The following FMNL2 variants were observed in gnomAD, a reference collection of about 807,000 sequenced individuals.
FMNL2 encodes the protein formin-like protein 2.
FMNL2 carries 51 observed loss-of-function variants against 130.2 expected under a neutral mutation model. The observed-to-expected ratio is 0.39, with a 90% CI of 0.31 to 0.49. FMNL2 has a LOEUF of 0.49. Ranked by LOEUF, FMNL2 falls within the 20% of genes least tolerant of loss-of-function variation. FMNL2 has a pLI of 0.85. For synonymous variants in FMNL2, 465 were observed against 467.1 expected, an observed-to-expected ratio of 1.00 and a Z score of 0.06; for missense variants, 977 against 1,316.2, an observed-to-expected ratio of 0.74 and a Z score of 3.99.
chr2:152,504,205 A>G (rs973877446), intron 1 of FMNL2, among the ~76,000 whole-genome samples: 3 of 152,134 alleles, frequency 2.0e-5, no homozygotes, highest in African/African-American at 7.2e-5. Flanking sequence ...ATAACAAAAA[A>G]GAACAATCAG....
chr2:152,549,598 A>G (rs1299746859), intron 4 of FMNL2, among the ~76,000 whole-genome samples: 1 of 152,180 alleles, frequency 6.6e-6, no homozygotes, highest in Non-Finnish European at 1.5e-5. Context: ...ATACATCTCA[A>G]AACCTCAGGA....
intron 2 of FMNL2, among the ~76,000 whole-genome samples, chr2:152,528,836 G>A (rs140030943): frequency 2.2e-3 from 338 of 152,220 alleles, no homozygotes; most frequent in Admixed American, 3.7e-3. Flanking sequence ...CACAATCAGG[G>A]ACCCAGGTGA....
intron 1 of FMNL2, among the ~76,000 whole-genome samples, chr2:152,340,153 T>C (rs1681717014): frequency 6.6e-6 from 1 of 152,102 alleles, no homozygotes. Flanking sequence ...ACCATTGCAT[T>C]CCAGCCTGGG....
chr2:152,491,919 C>T (rs147311548), intron 1 of FMNL2, among the ~76,000 whole-genome samples: 178 of 152,196 alleles, frequency 1.2e-3, no homozygotes, highest in Middle Eastern at 3.4e-3. Flanking sequence ...CTACTGCACT[C>T]CAGCCTGGGC....
chr2:152,607,009 T>TTTTG (rs1580081685), intron 9 of FMNL2, among the ~76,000 whole-genome samples: 2 of 129,270 alleles, frequency 1.5e-5, no homozygotes, highest in South Asian at 2.6e-4. Flanking sequence ...TTTTTTTGTT[T>TTTTG]TTTTTTTTTT....
intron 18 of FMNL2, 133 bp from the exon 19 acceptor site, chr2:152,629,523 T>C: frequency 1.3e-6 from 1 of 743,860 alleles, no homozygotes; most frequent in South Asian, 1.9e-5. Context: ...TTAGAAAAAG[T>C]AGACTCTCAC....
rs565174754 is a variant in FMNL2, at chr2:152,649,304, G to A, written c.*1399G>A. ...CTCTTTAATTCCCACCTAAGCCTCT[G>A]GGTAATATTGTAAATATTGTTTTAA... On this transcript the variant is annotated 3_prime_UTR_variant, in exon 26 of 26. Transcript: ENST00000288670. The A allele has an allele frequency of 3.9e-5, 6 of 152,490 alleles. No homozygotes were observed. The highest frequency in any genetic ancestry group is 3.4e-3 in the Middle Eastern group (1 of 292). 9.4% of individuals were successfully genotyped at this position (152,490 alleles called of 1,614,324 possible).
intron 1 of FMNL2, among the ~76,000 whole-genome samples, chr2:152,424,452 A>G (rs1043637594): frequency 4.0e-5 from 6 of 148,656 alleles, no homozygotes; most frequent in African/African-American, 1.0e-4. Context: ...GTGCAGTGGC[A>G]TGATCTTGGC....
intron 1 of FMNL2, among the ~76,000 whole-genome samples, chr2:152,461,340 A>G (rs1433280392): frequency 2.1e-5 from 3 of 143,842 alleles, no homozygotes; most frequent in Admixed American, 7.1e-5. Context: ...TATAAAGATT[A>G]CTAGTGAGAT....
chr2:152,518,320 G>A (rs1452621922), intron 1 of FMNL2, among the ~76,000 whole-genome samples: 2 of 152,164 alleles, frequency 1.3e-5, no homozygotes, highest in Non-Finnish European at 1.5e-5. Flanking sequence ...CTCATGGAAG[G>A]GGTTATTTTA....
chr2:152,648,157 C>A lies in FMNL2; in HGVS notation c.*252C>A, dbSNP rs1376560263. 1.4e-5 allele frequency: 6 copies of A among 417,640 alleles called. No homozygotes were observed. Among genetic ancestry groups the A allele is most frequent in the Non-Finnish European group, 2.5e-5 (6 of 236,000 alleles). 25.9% of individuals were successfully genotyped at this position (417,640 alleles called of 1,614,324 possible). A position where few individuals can be genotyped will look rare whatever the true frequency, so the allele number is the denominator to read the frequency against. ...GATTTGATTAGGTATCTTTTTACAC[C>A]AGTATGTTATTTTTAACCAAAATGT... On this transcript the variant is annotated 3_prime_UTR_variant, in exon 26 of 26. Transcript: ENST00000288670.
intron 23 of FMNL2, 109 bp downstream of exon 23, chr2:152,637,783 A>T: frequency 1.1e-6 from 1 of 935,094 alleles, no homozygotes; most frequent in South Asian, 1.5e-5. Context: ...TGGACAGCAG[A>T]TCTGGGTGGC....
chr2:152,506,324 C>T (rs1692167896), intron 1 of FMNL2, among the ~76,000 whole-genome samples: 1 of 152,128 alleles, frequency 6.6e-6, no homozygotes, highest in Non-Finnish European at 1.5e-5. Flanking sequence ...ACCCCCTCCC[C>T]ATGGATACCA....
intron 9 of FMNL2, among the ~76,000 whole-genome samples, chr2:152,603,742 T>C (rs868296004): frequency 7.3e-5 from 11 of 151,134 alleles, no homozygotes; most frequent in African/African-American, 1.9e-4. Flanking sequence ...TGGGTTACCT[T>C]ATTATTCATT....
intron 2 of FMNL2, among the ~76,000 whole-genome samples, chr2:152,533,826 A>G (rs568565237): frequency 6.6e-6 from 1 of 152,250 alleles, no homozygotes; most frequent in Admixed American, 6.5e-5. Context: ...TCTTACACAT[A>G]TTTTAAATTT....
chr2:152,390,825 T>G (rs903289191), intron 1 of FMNL2, among the ~76,000 whole-genome samples: 3 of 152,200 alleles, frequency 2.0e-5, no homozygotes, highest in Non-Finnish European at 4.4e-5. Context: ...GGCCTACTGT[T>G]AGGCATTAAA....
chr2:152,483,153 T>G (rs976497565), intron 1 of FMNL2, among the ~76,000 whole-genome samples: 5 of 152,144 alleles, frequency 3.3e-5, no homozygotes, highest in African/African-American at 1.2e-4. Flanking sequence ...TGGACATTGT[T>G]TTTCATGGTA....
rs776807389 is a variant in FMNL2, at chr2:152,636,419, T to C, written c.2681-8T>C. On this transcript the variant is annotated splice_region_variant and splice_polypyrimidine_tract_variant and intron_variant, in intron 21 of 25. Coordinates refer to ENST00000288670, the MANE Select transcript of FMNL2 (RefSeq NM_052905.4). ...GAGTTTCACTGGGATGTTCTTTCTCTGCTTTAGTCTCCCTTGAGAATGTTT... is the reference window on the plus strand; with the variant it reads ...GAGTTTCACTGGGATGTTCTTTCTCCGCTTTAGTCTCCCTTGAGAATGTTT... 1.2e-6 allele frequency: 2 copies of C among 1,607,670 alleles called. No individual in the cohort carries two copies. Among genetic ancestry groups the C allele is most frequent in the Non-Finnish European group, 1.7e-6 (2 of 1,176,684 alleles).
intron 1 of FMNL2, among the ~76,000 whole-genome samples, chr2:152,361,931 A>C (rs1039892191): frequency 5.9e-5 from 9 of 152,216 alleles, no homozygotes; most frequent in African/African-American, 2.2e-4. Flanking sequence ...AATGCCAACC[A>C]TACCTATAAA....
Sources: allele counts gnomAD v4.1 joint callset (sites outside exome capture counted in the v4.1 genomes callset), GRCh38; gene constraint gnomAD v4.1.1; transcripts MANE v1.5; gene names NCBI Gene and HGNC (gene_info 2026-07-23, HGNC 2026-07-21).